Variants in CRACD observed in about 807,000 individuals in gnomAD.
CRACD encodes capping protein inhibiting regulator of actin dynamics.
CRACD carries 56 observed loss-of-function variants against 106.8 expected under a neutral mutation model. The observed-to-expected ratio is 0.52, with a 90% CI of 0.42 to 0.66. The LOEUF is 0.66. CRACD is among the 30% of genes least tolerant of loss of function. CRACD has a pLI of 0.00. For missense variants in CRACD, 1,730 were observed against 1,623.2 expected (o/e 1.07, Z -1.13); for synonymous variants, 754 against 670.8 (o/e 1.12, Z -1.92).
chr4:56,217,578 C>T (rs1037090048), intron 2 of CRACD, among the ~76,000 whole-genome samples: 3 of 152,128 alleles, frequency 2.0e-5, no homozygotes, highest in South Asian at 2.1e-4. Context: ...CAAAGTTCTT[C>T]TTATGCAGAT....
intron 1 of CRACD, among the ~76,000 whole-genome samples, chr4:56,080,744 C>T (rs184005060): frequency 3.9e-5 from 6 of 152,338 alleles, no homozygotes; most frequent in Admixed American, 2.6e-4. Context: ...AGGCCCCTCT[C>T]CCTTCAGCAG....
intron 1 of CRACD, among the ~76,000 whole-genome samples, chr4:56,076,303 A>G (rs1732836148): frequency 6.6e-6 from 1 of 152,148 alleles, no homozygotes; most frequent in African/African-American, 2.4e-5. Flanking sequence ...CTGTTGTTGA[A>G]GCTTCCCATT....
intron 8 of CRACD, among the ~76,000 whole-genome samples, chr4:56,317,559 G>T (rs941645356): frequency 6.6e-6 from 1 of 152,158 alleles, no homozygotes; most frequent in Non-Finnish European, 1.5e-5. Context: ...AGGGGGCCTC[G>T]CAGTGATGAT....
chr4:56,290,755 A>G (rs1407479001), intron 3 of CRACD, among the ~76,000 whole-genome samples: 5 of 152,220 alleles, frequency 3.3e-5, no homozygotes, highest in Non-Finnish European at 5.9e-5. Context: ...ACATGTACAT[A>G]GGAGAGCTGA....
chr4:56,073,068 G>C (rs758812879), intron 1 of CRACD, among the ~76,000 whole-genome samples: 44 of 152,088 alleles, frequency 2.9e-4, no homozygotes, highest in Non-Finnish European at 5.1e-4. Flanking sequence ...ATAAACATAC[G>C]TTTGCCTGTG....
Position 56,115,752 on chromosome 4 carries a change from T to C in CRACD, c.-335-63532T>C, listed in dbSNP as rs79701211. On this transcript the variant is annotated intron_variant, in intron 1 of 10. Transcript: ENST00000682029. The stretch of plus-strand genomic sequence containing the variant: ...AGGAAGTGAGGACCCAGGAGAATGC[T>C]ATTTTAGAAACTTCCTTTCTTACTA... 1.2e-4 allele frequency among the ~76,000 whole-genome samples: 18 copies of C among 152,312 alleles called. No homozygotes were observed. The East Asian group carries it at 2.1e-3, about 18-fold the overall frequency.
intron 5 of CRACD, among the ~76,000 whole-genome samples, chr4:56,308,114 G>A (rs953532393): frequency 1.3e-5 from 2 of 152,132 alleles, no homozygotes; most frequent in South Asian, 4.1e-4. Flanking sequence ...GAACAAACTG[G>A]GTCTGACACA....
intron 1 of CRACD, among the ~76,000 whole-genome samples, chr4:56,076,717 C>T (rs1168894921): frequency 6.6e-6 from 1 of 152,122 alleles, no homozygotes; most frequent in African/African-American, 2.4e-5. Flanking sequence ...CTTTTCTGGC[C>T]CTCCAGTGTG....
chr4:56,199,066 T>C (rs1288883925), intron 2 of CRACD, among the ~76,000 whole-genome samples: 2 of 152,164 alleles, frequency 1.3e-5, no homozygotes, highest in Non-Finnish European at 2.9e-5. Flanking sequence ...CCCTGACAGC[T>C]TGGTGCATAT....
intron 2 of CRACD, among the ~76,000 whole-genome samples, chr4:56,253,522 A>G (rs1741166872): frequency 6.6e-6 from 1 of 152,192 alleles, no homozygotes; most frequent in Non-Finnish European, 1.5e-5. Context: ...CACGCCTCAT[A>G]GTCTCTTCAA....
At chr4:56,296,498 A>G (rs548683285) in intron 3 of CRACD, among the ~76,000 whole-genome samples, 1 of 152,246 alleles carries the variant, frequency 6.6e-6, no homozygotes, top group South Asian at 2.1e-4. Flanking sequence ...TTTGGTAATT[A>G]GTCTTCCCAA....
intron 2 of CRACD, among the ~76,000 whole-genome samples, chr4:56,220,882 A>G (rs1738995204): frequency 6.6e-6 from 1 of 152,194 alleles, no homozygotes; most frequent in Admixed American, 6.5e-5. Flanking sequence ...CCAAAAGGAT[A>G]TATCATTTAG....
chr4:56,324,383 C>G (rs1236043156), intron 10 of CRACD, 117 bp downstream of exon 10: 2 of 930,238 alleles, frequency 2.1e-6, no homozygotes, highest in East Asian at 5.5e-5. Flanking sequence ...AAAGCACAGG[C>G]TATCTGATAA....
At chr4:56,207,236 G>T (rs1039305751) in intron 2 of CRACD, among the ~76,000 whole-genome samples, 4 of 152,196 alleles carry the variant, frequency 2.6e-5, no homozygotes, top group African/African-American at 9.7e-5. Context: ...TGTTTAGCCA[G>T]TAAGTAATCT....
At chr4:56,189,962 CT>C (rs1325018353) in intron 2 of CRACD, among the ~76,000 whole-genome samples, 1 of 104,466 alleles carries the variant, frequency 9.6e-6, no homozygotes, top group African/African-American at 3.6e-5. Flanking sequence ...AATGCTAACC[CT>C]CCCCCCTCCC....
intron 1 of CRACD, among the ~76,000 whole-genome samples, chr4:56,104,176 C>T (rs1015454169): frequency 2.0e-5 from 3 of 152,112 alleles, no homozygotes; most frequent in Admixed American, 1.3e-4. Flanking sequence ...GTGGGAGCAT[C>T]GCTTGGGCCC....
At chr4:56,128,611 G>T (rs1444730079) in intron 1 of CRACD, among the ~76,000 whole-genome samples, 2 of 152,128 alleles carry the variant, frequency 1.3e-5, no homozygotes, top group African/African-American at 4.8e-5. Context: ...GATAAATGAT[G>T]TTCAAATAAG....
chr4:56,325,746 T>C (rs1321853468), intron 10 of CRACD, among the ~76,000 whole-genome samples: 1 of 152,200 alleles, frequency 6.6e-6, no homozygotes, highest in Non-Finnish European at 1.5e-5. Flanking sequence ...GGGCATCTCT[T>C]TTCCCCACTA....
chr4:56,308,160 T>C (rs1471080207), intron 5 of CRACD, among the ~76,000 whole-genome samples: 2 of 152,212 alleles, frequency 1.3e-5, no homozygotes, highest in African/African-American at 2.4e-5. Flanking sequence ...CTGCCTGCTT[T>C]GCAGTACTGC....
Sources: allele counts gnomAD v4.1 joint callset (sites outside exome capture counted in the v4.1 genomes callset), GRCh38; gene constraint gnomAD v4.1.1; transcripts MANE v1.5; gene names NCBI Gene and HGNC (gene_info 2026-07-23, HGNC 2026-07-21).